ERBB4: variants seen among roughly 807,000 people sequenced by gnomAD.
ERBB4 encodes the protein receptor tyrosine-protein kinase erbB-4.
In ERBB4, 42 loss-of-function variants were observed where a neutral mutation model predicts 158.0. That is an observed-to-expected ratio of 0.27 (90% CI 0.21 to 0.34). The LOEUF (loss-of-function observed/expected upper bound fraction) is 0.34. Among genes scored for constraint, ERBB4 ranks in the 10% least tolerant of loss-of-function variants. The pLI is 1.00. For synonymous variants in ERBB4, 583 were observed against 558.7 expected, an observed-to-expected ratio of 1.04 and a Z score of -0.61; for missense variants, 1,333 against 1,624.1, an observed-to-expected ratio of 0.82 and a Z score of 3.08.
chr2:211,884,450 C>G (rs1397479040), intron 3 of ERBB4, among the ~76,000 whole-genome samples: 2 of 152,118 alleles, frequency 1.3e-5, no homozygotes, highest in African/African-American at 4.8e-5. Context: ...ATTTTTCCCT[C>G]TATCATCATA....
At chr2:211,711,628 T>C (rs901333551) in intron 9 of ERBB4, among the ~76,000 whole-genome samples, 2 of 152,138 alleles carry the variant, frequency 1.3e-5, no homozygotes, top group Admixed American at 1.3e-4. Context: ...AATTTCAACA[T>C]ACTGATTAGT....
At chr2:211,963,668 AT>A (rs1192641472) in intron 2 of ERBB4, among the ~76,000 whole-genome samples, 1 of 151,754 alleles carries the variant, frequency 6.6e-6, no homozygotes, top group African/African-American at 2.4e-5. Flanking sequence ...TTGTAACCTA[AT>A]TTTGCAGTAG....
intron 3 of ERBB4, among the ~76,000 whole-genome samples, chr2:211,854,851 T>C (rs1489271413): frequency 6.6e-6 from 1 of 152,132 alleles, no homozygotes; most frequent in Non-Finnish European, 1.5e-5. Flanking sequence ...TATGTGTAAA[T>C]TTCTTTTGAA....
At chr2:212,324,049 G>T (rs2087700176) in intron 1 of ERBB4, among the ~76,000 whole-genome samples, 1 of 150,290 alleles carries the variant, frequency 6.7e-6, no homozygotes, top group African/African-American at 2.4e-5. Flanking sequence ...GTCAACATGT[G>T]TACGACACTC....
intron 19 of ERBB4, among the ~76,000 whole-genome samples, chr2:211,595,899 C>T (rs1574829863): frequency 6.6e-6 from 1 of 152,110 alleles, no homozygotes; most frequent in Admixed American, 6.5e-5. Flanking sequence ...GAACCAATCC[C>T]TCCCTGGATA....
chr2:211,699,626 C>T (rs1043498660), intron 12 of ERBB4, among the ~76,000 whole-genome samples: 3 of 151,982 alleles, frequency 2.0e-5, no homozygotes, highest in Non-Finnish European at 2.9e-5. Context: ...TACTATAGCA[C>T]CACAAAACTA....
At chr2:211,895,938 G>A (rs1051899616) in intron 3 of ERBB4, among the ~76,000 whole-genome samples, 7 of 152,038 alleles carry the variant, frequency 4.6e-5, no homozygotes, top group Non-Finnish European at 8.8e-5. Context: ...CACTGGCTTC[G>A]TTCCAGTTTC....
At position 211,923,245 on chromosome 2, in the gene ERBB4, C is replaced by A. The variant is rs143850358; in HGVS notation, c.421+24185G>T. Among the ~76,000 whole-genome samples, 3 of 152,084 alleles carry A rather than the reference C, an allele frequency of 2.0e-5. No homozygotes were observed. In the East Asian group the frequency reaches 5.8e-4, roughly 29 times the overall value. On this transcript the variant is annotated intron_variant, in intron 3 of 27. Coordinates refer to ENST00000342788, the MANE Select transcript of ERBB4 (RefSeq NM_005235.3). ...AGGGAATTTAAAGAATGTAGAATTA[C>A]GAGAAGGCAGGAGAGAAAATCTCGC...
intron 8 of ERBB4, among the ~76,000 whole-genome samples, chr2:211,713,135 C>A (rs1038473135): frequency 1.3e-5 from 2 of 152,062 alleles, no homozygotes. Flanking sequence ...AAATTTCATG[C>A]CCCTCTGGAT....
intron 5 of ERBB4, among the ~76,000 whole-genome samples, chr2:211,736,648 A>C: frequency 6.6e-6 from 1 of 152,164 alleles, no homozygotes; most frequent in South Asian, 2.1e-4. Flanking sequence ...ATTCTAGAGG[A>C]TATGGAAAAT....
intron 1 of ERBB4, among the ~76,000 whole-genome samples, chr2:212,193,864 A>G (rs1466701747): frequency 6.6e-6 from 1 of 151,982 alleles, no homozygotes; most frequent in African/African-American, 2.4e-5. Context: ...GGGGCCAGTA[A>G]TGTTTGTGGT....
At chr2:212,246,920 C>T (rs953968252) in intron 1 of ERBB4, among the ~76,000 whole-genome samples, 3 of 152,056 alleles carry the variant, frequency 2.0e-5, no homozygotes, top group Admixed American at 1.3e-4. Flanking sequence ...TTTGGGAATG[C>T]CTTATGTCTC....
intron 1 of ERBB4, among the ~76,000 whole-genome samples, chr2:212,235,428 C>T (rs1259557593): frequency 6.6e-6 from 1 of 152,070 alleles, no homozygotes; most frequent in East Asian, 1.9e-4. Context: ...CAGGTTTTTG[C>T]ACAGGATCCT....
intron 14 of ERBB4, among the ~76,000 whole-genome samples, chr2:211,672,532 A>G (rs1430284056): frequency 6.6e-6 from 1 of 152,102 alleles, no homozygotes; most frequent in Admixed American, 6.6e-5. Flanking sequence ...TCATAGCTCA[A>G]TTCTTCCCTC....
chr2:212,069,530 C>T (rs561812370), intron 2 of ERBB4, among the ~76,000 whole-genome samples: 2 of 152,082 alleles, frequency 1.3e-5, no homozygotes, highest in African/African-American at 4.8e-5. Context: ...ACTCCTTCTG[C>T]TTCTATTAAA....
chr2:211,910,520 AT>A (rs1287295096), intron 3 of ERBB4, among the ~76,000 whole-genome samples: 2 of 151,650 alleles, frequency 1.3e-5, no homozygotes, highest in Non-Finnish European at 2.9e-5. Context: ...TGGGAGATAA[AT>A]AATGAGAACA....
intron 1 of ERBB4, among the ~76,000 whole-genome samples, chr2:212,219,190 G>C (rs1258521399): frequency 6.6e-6 from 1 of 151,350 alleles, no homozygotes; most frequent in Non-Finnish European, 1.5e-5. Context: ...AAGAAGTTAT[G>C]ATTTTAAAAA....
At chr2:211,627,693 G>A (rs1008376948) in intron 17 of ERBB4, among the ~76,000 whole-genome samples, 2 of 152,106 alleles carry the variant, frequency 1.3e-5, no homozygotes, top group African/African-American at 2.4e-5. Context: ...AACAACAAAC[G>A]TTGGATAAGC....
At position 212,364,981 on chromosome 2, in the gene ERBB4, G is replaced by A. The variant is rs1010265671; in HGVS notation, c.82+173468C>T. 3.3e-5 allele frequency among the ~76,000 whole-genome samples: 5 copies of A among 150,954 alleles called. No homozygotes were observed. The South Asian group carries it at 8.4e-4, about 25-fold the overall frequency. ...GAATGAATTATAGTCTCTGCTTCAA[G>A]TTTAAATAAGTATTTTATAAAATAG... On this transcript the variant is annotated intron_variant, in intron 1 of 27. Transcript: ENST00000342788.
Sources: allele counts gnomAD v4.1 joint callset (sites outside exome capture counted in the v4.1 genomes callset), GRCh38; gene constraint gnomAD v4.1.1; transcripts MANE v1.5; gene names NCBI Gene and HGNC (gene_info 2026-07-23, HGNC 2026-07-21).